FGGY: variants seen among roughly 807,000 people sequenced by gnomAD.
FGGY encodes FGGY carbohydrate kinase domain-containing protein.
A neutral mutation model predicts 71.3 loss-of-function variants in FGGY; 72 were observed. The ratio of observed to expected loss-of-function variants is 1.01; its 90% CI spans 0.84 to 1.23. The LOEUF is 1.23. Among genes scored for constraint, FGGY ranks in the 50% most tolerant of loss-of-function variants. The pLI is 0.00. For missense variants in FGGY, 668 were observed against 682.3 expected, an observed-to-expected ratio of 0.98 and a Z score of 0.23; for synonymous variants, 251 against 250.3, an observed-to-expected ratio of 1.00 and a Z score of -0.02.
intron 10 of FGGY, among the ~76,000 whole-genome samples, chr1:59,630,996 C>A (rs951874647): frequency 5.3e-5 from 8 of 152,182 alleles, no homozygotes; most frequent in Non-Finnish European, 1.2e-4. Context: ...CCATCAGCCC[C>A]CTGAAACGTT....
intron 9 of FGGY, among the ~76,000 whole-genome samples, chr1:59,613,744 A>C (rs868611807): frequency 1.4e-4 from 21 of 152,038 alleles, no homozygotes; most frequent in East Asian, 3.9e-4. Context: ...AATTGATAGA[A>C]CGCTAGCAAG....
chr1:59,396,825 T>C (rs1346467035), intron 5 of FGGY, among the ~76,000 whole-genome samples: 1 of 152,224 alleles, frequency 6.6e-6, no homozygotes, highest in Non-Finnish European at 1.5e-5. Context: ...TTCATGCTTG[T>C]TGTATCTATA....
At chr1:59,310,176 G>T (rs1467943053) in intron 1 of FGGY, 2 of 152,188 alleles carry the variant, frequency 1.3e-5, no homozygotes, top group East Asian at 3.8e-4. Flanking sequence ...CAGTCAGTAA[G>T]GTTGGTGAGT....
chr1:59,346,463 GT>G, intron 4 of FGGY, 65 bp downstream of exon 4: 1 of 1,558,226 alleles, frequency 6.4e-7, no homozygotes, highest in Non-Finnish European at 8.7e-7. Context: ...CTGTGGACCT[GT>G]AGGTACCAGG....
intron 6 of FGGY, among the ~76,000 whole-genome samples, chr1:59,479,164 A>C (rs2093379284): frequency 6.6e-6 from 1 of 152,150 alleles, no homozygotes; most frequent in Non-Finnish European, 1.5e-5. Context: ...TAATCACCCA[A>C]GGTCATATAG....
intron 6 of FGGY, among the ~76,000 whole-genome samples, chr1:59,482,568 A>ATATGTG (rs1553238267): frequency 9.1e-6 from 1 of 109,320 alleles, no homozygotes; most frequent in Non-Finnish European, 1.9e-5. Flanking sequence ...ATGTGTATAT[A>ATATGTG]TATGTGTGTG....
At chr1:59,355,890 A>G (rs192177859) in intron 4 of FGGY, among the ~76,000 whole-genome samples, 3,737 of 152,152 alleles carry the variant, frequency 0.025, 168 homozygotes, top group African/African-American at 0.085. Flanking sequence ...CTGGTCCCCA[A>G]TCAGGTTTAG....
chr1:59,570,502 C>T (rs1343222722), intron 8 of FGGY, among the ~76,000 whole-genome samples: 1 of 152,170 alleles, frequency 6.6e-6, no homozygotes, highest in African/African-American at 2.4e-5. Context: ...GTAAGACATA[C>T]TGAGAAGTCA....
chr1:59,671,179 A>G (rs1192460940), intron 13 of FGGY, among the ~76,000 whole-genome samples: 2 of 152,226 alleles, frequency 1.3e-5, no homozygotes, highest in African/African-American at 4.8e-5. Flanking sequence ...CTTATGACCA[A>G]TATCCAGAGT....
intron 6 of FGGY, among the ~76,000 whole-genome samples, chr1:59,466,479 G>A (rs2092635595): frequency 6.6e-6 from 1 of 152,106 alleles, no homozygotes; most frequent in Admixed American, 6.6e-5. Context: ...CAAAAGCAAT[G>A]GCACCAAAAG....
chr1:59,635,970 T>C (rs1303843135), intron 10 of FGGY, among the ~76,000 whole-genome samples: 1 of 152,232 alleles, frequency 6.6e-6, no homozygotes, highest in African/African-American at 2.4e-5. Context: ...CTCTGTATGT[T>C]AGTGGTACCT....
intron 8 of FGGY, among the ~76,000 whole-genome samples, chr1:59,596,108 C>T (rs1004149941): frequency 1.3e-5 from 2 of 152,082 alleles, no homozygotes; most frequent in Admixed American, 6.5e-5. Context: ...GCTCTTTCTT[C>T]TTTTTTACTG....
At chr1:59,397,400 C>T (rs1374362332) in intron 5 of FGGY, among the ~76,000 whole-genome samples, 2 of 152,180 alleles carry the variant, frequency 1.3e-5, no homozygotes, top group African/African-American at 2.4e-5. Context: ...CATAGTGAAA[C>T]TTCCTGAATA....
intron 5 of FGGY, among the ~76,000 whole-genome samples, chr1:59,449,519 G>A (rs1484335090): frequency 6.6e-6 from 1 of 152,148 alleles, no homozygotes; most frequent in Non-Finnish European, 1.5e-5. Context: ...TCCTGACCTT[G>A]TGATCCACCT....
intron 14 of FGGY, among the ~76,000 whole-genome samples, chr1:59,720,741 T>C (rs1193249592): frequency 1.3e-5 from 2 of 152,198 alleles, no homozygotes; most frequent in African/African-American, 2.4e-5. Context: ...AGGTATATTA[T>C]GAAGGATGAC....
At chr1:59,301,879 G>A (rs1325577859) in intron 1 of FGGY, among the ~76,000 whole-genome samples, 1 of 148,518 alleles carries the variant, frequency 6.7e-6, no homozygotes, top group East Asian at 2.0e-4. Flanking sequence ...ACACCCAGCT[G>A]ATTTTGTATT....
intron 6 of FGGY, among the ~76,000 whole-genome samples, chr1:59,472,481 G>C (rs573281836): frequency 1.3e-5 from 2 of 152,342 alleles, no homozygotes; most frequent in South Asian, 4.1e-4. Context: ...CGCACGGCGC[G>C]GGACTGGCAG....
At chr1:59,554,716 T>G (rs922269319) in intron 8 of FGGY, among the ~76,000 whole-genome samples, 1 of 152,152 alleles carries the variant, frequency 6.6e-6, no homozygotes, top group Non-Finnish European at 1.5e-5. Context: ...AATTTTCACT[T>G]TGTTAATTTT....
intron 1 of FGGY, among the ~76,000 whole-genome samples, chr1:59,314,211 C>T (rs546135117): frequency 2.2e-4 from 33 of 152,178 alleles, no homozygotes; most frequent in African/African-American, 7.5e-4. Flanking sequence ...GTGATCCGCC[C>T]GTCTTGGCCT....
Sources: gnomAD v4.1 joint callset for allele counts (sites outside exome capture counted in the v4.1 genomes callset) on GRCh38, gnomAD v4.1.1 for gene constraint, MANE v1.5 for transcripts, NCBI Gene and HGNC (gene_info 2026-07-23, HGNC 2026-07-21) for gene names.